Variants in KSR1 observed in about 807,000 individuals in gnomAD.
KSR1 encodes the protein kinase suppressor of ras.
In KSR1, 35 loss-of-function variants were observed where a neutral mutation model predicts 92.9. The observed-to-expected ratio is 0.38, with a 90% CI of 0.29 to 0.50. The LOEUF is 0.50. Among genes scored for constraint, KSR1 ranks in the 20% least tolerant of loss-of-function variants. KSR1 has a pLI of 0.94. For synonymous variants in KSR1, 467 were observed against 472.6 expected (o/e 0.99, Z 0.15); for missense variants, 972 against 1,158.5 (o/e 0.84, Z 2.34).
intron 2 of KSR1, among the ~76,000 whole-genome samples, chr17:27,572,832 G>C (rs548486130): frequency 8.2e-4 from 125 of 152,304 alleles, no homozygotes; most frequent in Non-Finnish European, 1.3e-3. Context: ...GTTGCTTTGG[G>C]GCACTGTTGA....
At position 27,478,214 on chromosome 17, in the gene KSR1, A is replaced by G. The variant is rs189443949; in HGVS notation, c.231+21340A>G. 2.5e-3 allele frequency among the ~76,000 whole-genome samples: 385 copies of G among 152,332 alleles called. 1 individual carries two copies. Among genetic ancestry groups the G allele is most frequent in the African/African-American group, 8.9e-3 (371 of 41,588 alleles). ...CTTTAATCAGGGCTAAACTAACCTC[A>G]CAGCATTCCTAGGAAAATAACACAA... On this transcript the variant is annotated intron_variant, in intron 1 of 20. Coordinates refer to ENST00000644974, the MANE Select transcript of KSR1 (RefSeq NM_001394583.1).
intron 9 of KSR1, 38 bp downstream of exon 9, chr17:27,592,664 A>G: frequency 6.4e-7 from 1 of 1,554,394 alleles, no homozygotes; most frequent in Non-Finnish European, 8.8e-7. Context: ...CCCTTCTGCC[A>G]CTGGCCTTCC....
In KSR1 at chr17:27,559,987, A is replaced by G. The variant is rs192620637; in HGVS notation, c.372+9279A>G. ...AATGAACATTAGAATTGTTTAAAGG[A>G]AAATAAAACTAGCAAGAAGGCTGCA... On this transcript the variant is annotated intron_variant, in intron 2 of 20. Transcript: ENST00000644974. The surrounding 1 kb of genome is among the most constrained non-coding windows in gnomAD (Gnocchi z 4.2). Among the ~76,000 whole-genome samples the G allele has an allele frequency of 2.5e-4, 38 of 152,310 alleles. No individual in the cohort carries two copies. The highest frequency in any genetic ancestry group is 2.4e-4 in the Non-Finnish European group (16 of 68,026).
At chr17:27,463,551 G>T (rs1286699409) in intron 1 of KSR1, among the ~76,000 whole-genome samples, 1 of 151,926 alleles carries the variant, frequency 6.6e-6, no homozygotes, top group Admixed American at 6.6e-5. Flanking sequence ...TTCTAGTTTT[G>T]TGGTTGCTTG....
chr17:27,569,083 T>G (rs1324553294), intron 2 of KSR1, among the ~76,000 whole-genome samples: 1 of 152,268 alleles, frequency 6.6e-6, no homozygotes, highest in Non-Finnish European at 1.5e-5. Flanking sequence ...GTATTCATTT[T>G]GACTCAAGTT....
intron 2 of KSR1, among the ~76,000 whole-genome samples, chr17:27,552,363 T>A (rs749653362): frequency 2.0e-5 from 3 of 152,166 alleles, no homozygotes; most frequent in Non-Finnish European, 2.9e-5. Flanking sequence ...GCGACAGATA[T>A]AAAAATAAAT....
At chr17:27,528,385 T>G (rs540086965) in intron 1 of KSR1, among the ~76,000 whole-genome samples, 39 of 152,318 alleles carry the variant, frequency 2.6e-4, no homozygotes, top group African/African-American at 7.7e-4. Context: ...ACGTTTAGTC[T>G]TTAACACATT....
At chr17:27,522,942 A>G (rs1336802096) in intron 1 of KSR1, among the ~76,000 whole-genome samples, 2 of 152,224 alleles carry the variant, frequency 1.3e-5, no homozygotes, top group Non-Finnish European at 1.5e-5. Flanking sequence ...AAAGAAAAAA[A>G]GGATCCTGCT....
chr17:27,504,102 G>T (rs62057782), intron 1 of KSR1, among the ~76,000 whole-genome samples: 1 of 152,162 alleles, frequency 6.6e-6, no homozygotes, highest in African/African-American at 2.4e-5. Flanking sequence ...GCTTGGCCCC[G>T]TGGGAAGTAT....
chr17:27,601,840 A>G, intron 11 of KSR1: 2 of 1,328,608 alleles, frequency 1.5e-6, no homozygotes, highest in South Asian at 2.6e-5. Flanking sequence ...CCATTTGGGA[A>G]GGTCTGCGGG....
At chr17:27,567,675 C>T (rs1180490912) in intron 2 of KSR1, among the ~76,000 whole-genome samples, 1 of 152,244 alleles carries the variant, frequency 6.6e-6, no homozygotes, top group African/African-American at 2.4e-5. Flanking sequence ...TTGACCTTGG[C>T]TCCCTTCTTG....
rs567971719 is a variant in KSR1 at position 27,552,248 on chromosome 17, G to T, written c.372+1540G>T. 2.6e-5 allele frequency among the ~76,000 whole-genome samples: 4 copies of T among 152,298 alleles called. No individual in the cohort carries two copies. The East Asian group carries it at 7.7e-4, about 29-fold the overall frequency. On this transcript the variant is annotated intron_variant, in intron 2 of 20. Coordinates refer to ENST00000644974, the MANE Select transcript of KSR1 (RefSeq NM_001394583.1). ...CCGATTTGTTGTCTGTGGTCTGTCT[G>T]CTCCCCCTGGGATGCGAGCACCATG... is the stretch of plus-strand genomic sequence containing the variant.
At chr17:27,523,233 C>T (rs1427499804) in intron 1 of KSR1, among the ~76,000 whole-genome samples, 1 of 152,128 alleles carries the variant, frequency 6.6e-6, no homozygotes, top group Admixed American at 6.5e-5. Flanking sequence ...AGCCTATTAG[C>T]CAGGAAATAT....
rs990672751 is a variant in KSR1 at position 27,523,048 on chromosome 17, A to G, written c.232-27520A>G. Among the ~76,000 whole-genome samples the G allele has an allele frequency of 3.9e-5, 6 of 152,316 alleles. No homozygotes were observed. In the East Asian group the frequency reaches 7.7e-4, roughly 20 times the overall value. The stretch of plus-strand genomic sequence containing the variant: ...GCCCTGGGGAGTGTAAATTGGTACA[A>G]CTACTCTCAAGAGAACTTGACTAGA... On this transcript the variant is annotated intron_variant, in intron 1 of 20. Transcript: ENST00000644974.
chr17:27,462,941 A>T (rs1567734749), intron 1 of KSR1, among the ~76,000 whole-genome samples: 1 of 152,236 alleles, frequency 6.6e-6, no homozygotes, highest in Non-Finnish European at 1.5e-5. Flanking sequence ...TAGTGGCTGC[A>T]TTGTGTGGTC....
chr17:27,620,464 AG>A, intron 19 of KSR1, among the ~76,000 whole-genome samples: 1 of 152,352 alleles, frequency 6.6e-6, no homozygotes, highest in South Asian at 2.1e-4. Flanking sequence ...GTACAGTCCC[AG>A]GAACATTATA....
intron 3 of KSR1, among the ~76,000 whole-genome samples, chr17:27,581,916 T>C (rs2072774304): frequency 6.6e-6 from 1 of 152,162 alleles, no homozygotes; most frequent in African/African-American, 2.4e-5. Flanking sequence ...GTTGATCCCT[T>C]TCTTCCTGGA....
At chr17:27,619,977 C>T (rs2074177745) in intron 19 of KSR1, among the ~76,000 whole-genome samples, 3 of 152,228 alleles carry the variant, frequency 2.0e-5, no homozygotes, top group South Asian at 4.1e-4. Flanking sequence ...GGATTACAGG[C>T]ATGAGCCACC....
chr17:27,577,568 G>A lies in KSR1; in HGVS notation c.449G>A (p.Cys150Tyr). 2 of 1,605,768 alleles carry A rather than the reference G, an allele frequency of 1.2e-6. No individual in the cohort carries two copies. Among genetic ancestry groups the A allele is most frequent in the South Asian group, 2.2e-5 (2 of 89,940 alleles). ...EAKVKETLRR[C>Y]GASGDECGRL... ...AAGGTGAAGGAGACGCTGCGGCGCT[G>A]TGGGGCCAGCGGGGATGAGTGTGGC... The change falls in exon 3 of 21, where the codon TGT (cysteine) becomes TAT (tyrosine). Residue 150 changes from cysteine (C) to tyrosine (Y), a missense_variant. Physicochemically the swap from Cys to Tyr is radical, Grantham distance 194 (BLOSUM62 -2). Transcript: ENST00000644974. The surrounding 1 kb of genome is among the most constrained non-coding windows in gnomAD (Gnocchi z 4.5).
Sources: gnomAD v4.1 joint callset for allele counts (sites outside exome capture counted in the v4.1 genomes callset) on GRCh38, gnomAD v4.1.1 for gene constraint, Gnocchi (gnomAD v3.1) non-coding constraint, MANE v1.5 for transcripts, NCBI Gene and HGNC (gene_info 2026-07-23, HGNC 2026-07-21) for gene names.